TSPEAR: variants seen among roughly 807,000 people sequenced by gnomAD.
TSPEAR encodes the protein thrombospondin type laminin G domain and EAR repeats.
In TSPEAR, 69 loss-of-function variants were observed where a neutral mutation model predicts 71.6. The ratio of observed to expected loss-of-function variants is 0.96; its 90% CI spans 0.79 to 1.18. TSPEAR has a LOEUF of 1.18. Among genes scored for constraint, TSPEAR ranks in the 50% most tolerant of loss-of-function variants. The pLI, the probability that TSPEAR is intolerant of heterozygous loss-of-function variation, is 0.00. For synonymous variants in TSPEAR, 402 were observed against 387.2 expected (o/e 1.04, Z -0.45); for missense variants, 971 against 894.9 (o/e 1.09, Z -1.09).
intron 1 of TSPEAR, among the ~76,000 whole-genome samples, chr21:44,640,566 C>T (rs1555938348): frequency 6.6e-6 from 1 of 152,194 alleles, no homozygotes; most frequent in African/African-American, 2.4e-5. Flanking sequence ...GTGTTAAAAA[C>T]AAATAGTCTC....
At chr21:44,521,739 G>T in intron 9 of TSPEAR, 144 bp downstream of exon 9, 1 of 746,218 alleles carries the variant, frequency 1.3e-6, no homozygotes, top group Non-Finnish European at 2.2e-6. Context: ...AGCAGGCCCT[G>T]CCTGGGTTTT....
rs144285396 is a variant in TSPEAR at position 44,570,355 on chromosome 21, C to T, written c.83-2350G>A. Among the ~76,000 whole-genome samples, 389 of 152,328 alleles carry T rather than the reference C, an allele frequency of 2.6e-3. 2 individuals are homozygous for T. The highest frequency in any genetic ancestry group is 9.0e-3 in the African/African-American group (374 of 41,578). On this transcript the variant is annotated intron_variant, in intron 1 of 11. Coordinates refer to ENST00000323084, the MANE Select transcript of TSPEAR (RefSeq NM_144991.3). ...CTCTCAGCCTCCTGGGAGTGGACAC[C>T]CAAGGGCAGATGAGTCCCTGACACA... is the stretch of plus-strand genomic sequence containing the variant.
intron 9 of TSPEAR, chr21:44,519,550 C>T (rs1344718476): frequency 6.6e-6 from 1 of 152,256 alleles, no homozygotes; most frequent in Admixed American, 6.5e-5. Flanking sequence ...CTCCTGAACC[C>T]TCCTTCAGGT....
At chr21:44,697,177 A>G (rs1987385001) in intron 1 of TSPEAR, 4 of 1,606,286 alleles carry the variant, frequency 2.5e-6, no homozygotes, top group Non-Finnish European at 3.4e-6. Flanking sequence ...CCCCCAGCTC[A>G]ACCCCCAGCA....
chr21:44,580,359 A>G, intron 1 of TSPEAR: 2 of 1,613,750 alleles, frequency 1.2e-6, no homozygotes, highest in Non-Finnish European at 1.7e-6. Flanking sequence ...GCCGGCTGGC[A>G]GCACGAGGGC....
chr21:44,646,563 C>T, intron 1 of TSPEAR: 3 of 1,612,478 alleles, frequency 1.9e-6, no homozygotes, highest in Non-Finnish European at 2.5e-6. Context: ...GCGCCCCCAG[C>T]TGCTGCGCCC....
At chr21:44,527,068 T>C (rs2052870726) in intron 7 of TSPEAR, among the ~76,000 whole-genome samples, 2 of 152,122 alleles carry the variant, frequency 1.3e-5, no homozygotes, top group South Asian at 4.1e-4. Context: ...TGGGAAATGG[T>C]CTGGTCGTCC....
At position 44,661,070 on chromosome 21, in the gene TSPEAR, T is replaced by C. The variant is rs587710366; in HGVS notation, c.82+50363A>G. ...ACTTTGGGAGGCCGAGGCAAGCAGA[T>C]CGAGACCATCCTGGCTAACACGGTG... On this transcript the variant is annotated intron_variant, in intron 1 of 11. Coordinates refer to ENST00000323084, the MANE Select transcript of TSPEAR (RefSeq NM_144991.3). Among the ~76,000 whole-genome samples, 39 of 152,250 alleles carry C rather than the reference T, an allele frequency of 2.6e-4. No individual in the cohort carries two copies. The South Asian group carries it at 7.7e-3, about 30-fold the overall frequency.
chr21:44,531,531 T>C (rs1555915768), intron 3 of TSPEAR, among the ~76,000 whole-genome samples: 3 of 152,190 alleles, frequency 2.0e-5, no homozygotes, highest in African/African-American at 7.2e-5. Flanking sequence ...AAAGACTCTG[T>C]TTCCAGGTAA....
At chr21:44,522,407 C>T (rs782549261) in intron 8 of TSPEAR, among the ~76,000 whole-genome samples, 2 of 152,222 alleles carry the variant, frequency 1.3e-5, no homozygotes, top group Non-Finnish European at 2.9e-5. Context: ...AGGTGGGGCC[C>T]ACCGTGTCCT....
Position 44,500,567 on chromosome 21 carries a change from G to C in TSPEAR, c.1857-631C>G, listed in dbSNP as rs587638591. ...TAAAGTATGAAAATAAATTCTTCCA[G>C]ACTGCTTTCTGGAAAAACCGTGGTG... On this transcript the variant is annotated intron_variant, in intron 11 of 11. Coordinates refer to ENST00000323084, the MANE Select transcript of TSPEAR (RefSeq NM_144991.3). Among the ~76,000 whole-genome samples the C allele has an allele frequency of 5.3e-5, 8 of 152,364 alleles. No individual in the cohort carries two copies. In the South Asian group the frequency reaches 8.3e-4, roughly 16 times the overall value.
intron 2 of TSPEAR, among the ~76,000 whole-genome samples, chr21:44,547,631 A>C (rs930396300): frequency 7.9e-5 from 12 of 152,214 alleles, no homozygotes; most frequent in Non-Finnish European, 1.8e-4. Context: ...GCTTGGTGCT[A>C]AGACAGTAAT....
intron 2 of TSPEAR, among the ~76,000 whole-genome samples, chr21:44,557,328 G>A (rs587735064): frequency 2.0e-5 from 3 of 152,344 alleles, no homozygotes; most frequent in Admixed American, 2.0e-4. Flanking sequence ...CACCATGAGC[G>A]AGAACTGGTG....
intron 7 of TSPEAR, 94 bp from the exon 8 acceptor site, chr21:44,525,933 A>G (rs2052846854): frequency 5.5e-6 from 7 of 1,279,292 alleles, no homozygotes; most frequent in Non-Finnish European, 7.8e-6. Context: ...ATCTCTCTCC[A>G]GATCCACGGC....
chr21:44,539,607 C>T (rs201006587), intron 2 of TSPEAR: 5 of 1,612,794 alleles, frequency 3.1e-6, no homozygotes, highest in Non-Finnish European at 4.2e-6. Flanking sequence ...ACGCAGCAGG[C>T]CTGCTGGCAG....
intron 1 of TSPEAR, among the ~76,000 whole-genome samples, chr21:44,609,649 G>C (rs1981532998): frequency 1.3e-5 from 2 of 152,228 alleles, no homozygotes. Context: ...AACCTCTTGA[G>C]TGGAGCATGG....
chr21:44,556,281 GAGA>G (rs1459635093), intron 2 of TSPEAR, among the ~76,000 whole-genome samples: 1 of 151,902 alleles, frequency 6.6e-6, no homozygotes, highest in Non-Finnish European at 1.5e-5. Flanking sequence ...GAGGCTGAGG[GAGA>G]AGAATAGCTT....
At chr21:44,648,215 C>G (rs1984556042) in intron 1 of TSPEAR, among the ~76,000 whole-genome samples, 1 of 152,294 alleles carries the variant, frequency 6.6e-6, no homozygotes, top group South Asian at 2.1e-4. Flanking sequence ...AAAAAGACAC[C>G]TTATCGATGA....
intron 6 of TSPEAR, among the ~76,000 whole-genome samples, chr21:44,527,772 A>G (rs1242109303): frequency 6.6e-6 from 1 of 152,240 alleles, no homozygotes; most frequent in Non-Finnish European, 1.5e-5. Context: ...CCTTGTTAAA[A>G]GGCTCACTGC....
Sources: allele counts gnomAD v4.1 joint callset (sites outside exome capture counted in the v4.1 genomes callset), GRCh38; gene constraint gnomAD v4.1.1; transcripts MANE v1.5; gene names NCBI Gene and HGNC (gene_info 2026-07-23, HGNC 2026-07-21).